Variants in KLHL29 observed in about 807,000 individuals in gnomAD.
KLHL29 encodes kelch like family member 29.
A neutral mutation model predicts 80.4 loss-of-function variants in KLHL29; 21 were observed. That is an observed-to-expected ratio of 0.26 (90% CI 0.19 to 0.38). The LOEUF (loss-of-function observed/expected upper bound fraction) is 0.38, where lower values mean the gene tolerates loss of function less well. Among genes scored for constraint, KLHL29 ranks in the 10% least tolerant of loss-of-function variants. KLHL29 has a pLI of 1.00. For missense variants in KLHL29, 867 were observed against 1,223.9 expected (o/e 0.71, Z 4.35); for synonymous variants, 511 against 526.8 (o/e 0.97, Z 0.41).
rs1386064078 is a variant in KLHL29 at position 23,385,345 on chromosome 2, C to T, written c.-589C>T. 2.7e-5 allele frequency: 4 copies of T among 146,540 alleles called. No individual in the cohort carries two copies. Among genetic ancestry groups the T allele is most frequent in the Non-Finnish European group, 6.1e-5 (4 of 65,590 alleles). 9.1% of individuals were successfully genotyped at this position (146,540 alleles called of 1,614,324 possible). Reference sequence around the variant, plus strand: ...GTCCGCAGCCCCGGCGGTCGCCGCGCTTGAGCGCAGCCCCCGCCCGGAGCC... The same window carrying T: ...GTCCGCAGCCCCGGCGGTCGCCGCGTTTGAGCGCAGCCCCCGCCCGGAGCC... On this transcript the variant is annotated 5_prime_UTR_variant, in exon 1 of 14. Transcript: ENST00000486442.
In KLHL29 at chr2:23,669,701, AC is replaced by A. The variant is rs1194387271; in HGVS notation, c.941-14693del. 6.6e-6 allele frequency among the ~76,000 whole-genome samples: 1 copy of A among 151,546 alleles called. No homozygotes were observed. Among genetic ancestry groups the A allele is most frequent in the Non-Finnish European group, 1.5e-5 (1 of 67,906 alleles). Reference sequence around the variant, plus strand: ...CCCCCCTCTGTGTGGCTGCCCTGCCACCCCCAGTCAGCCTCTGAGCACAGTG... The same window carrying A: ...CCCCCCTCTGTGTGGCTGCCCTGCCACCCCAGTCAGCCTCTGAGCACAGTG... On this transcript the variant is annotated intron_variant, in intron 5 of 13. Coordinates refer to ENST00000486442, the MANE Select transcript of KLHL29 (RefSeq NM_052920.2). This position sits in a 1 kb window ranked among gnomAD's most constrained non-coding sequence, Gnocchi z 4.3.
rs1572474976 is a variant in KLHL29 at position 23,390,640 on chromosome 2, A to G, written c.-154+4860A>G. 2.1e-5 allele frequency among the ~76,000 whole-genome samples: 3 copies of G among 144,624 alleles called. No homozygotes were observed. The South Asian group carries it at 6.6e-4, about 32-fold the overall frequency. 94.9% of individuals were successfully genotyped at this position (144,624 alleles called of 152,430 possible). On this transcript the variant is annotated intron_variant, in intron 1 of 13. Coordinates refer to ENST00000486442, the MANE Select transcript of KLHL29 (RefSeq NM_052920.2). ...CATGGTTTAAAAACACATAAAATTT[A>G]CCATCTTTACTTTTTTTTTTTTTTT...
chr2:23,515,008 C>A (rs1158224847), intron 2 of KLHL29, among the ~76,000 whole-genome samples: 2 of 152,144 alleles, frequency 1.3e-5, no homozygotes, highest in Non-Finnish European at 2.9e-5. Flanking sequence ...AACTAGGGTT[C>A]ATCTGAGACA....
chr2:23,421,524 TTGTGTGTGTGTGTGTGTGTGTG>T (rs57348539), intron 1 of KLHL29, among the ~76,000 whole-genome samples: 2 of 143,514 alleles, frequency 1.4e-5, no homozygotes, highest in Non-Finnish European at 3.1e-5. Flanking sequence ...TTAGACAAGA[TTGTGTGTGTGTGTGTGTGTGTG>T]TGTGTGTGTG....
At chr2:23,408,466 T>C (rs943232927) in intron 1 of KLHL29, among the ~76,000 whole-genome samples, 1 of 152,160 alleles carries the variant, frequency 6.6e-6, no homozygotes, top group Non-Finnish European at 1.5e-5. Flanking sequence ...CTTCCATATC[T>C]CTCTGTAAAC....
At chr2:23,413,351 A>G (rs1666910314) in intron 1 of KLHL29, among the ~76,000 whole-genome samples, 1 of 152,114 alleles carries the variant, frequency 6.6e-6, no homozygotes, top group Non-Finnish European at 1.5e-5. Context: ...ATGCTGTGTG[A>G]TCCATTTTCT....
At position 23,693,534 on chromosome 2, in the gene KLHL29, G is replaced by A. The variant is rs1032065704; in HGVS notation, c.1542+6G>A. On this transcript the variant is annotated splice_donor_region_variant and intron_variant, in intron 8 of 13. Coordinates refer to ENST00000486442, the MANE Select transcript of KLHL29 (RefSeq NM_052920.2). ...ACCCCGCGACACGCACACAGGTGGG[G>A]CCTGCCCTGTCCCCCGCCCCTTCTC... 6.5e-7 allele frequency: 1 copy of A among 1,545,368 alleles called. No homozygotes were observed. Among genetic ancestry groups the A allele is most frequent in the Non-Finnish European group, 8.8e-7 (1 of 1,141,728 alleles).
rs116093924 is a variant in KLHL29, at chr2:23,411,920, G to C, written c.-154+26140G>C. ...TCATGGATGTTTTCTGACTCATGTT[G>C]TCATTGGAATGACTTTTAGTTCCTT... On this transcript the variant is annotated intron_variant, in intron 1 of 13. Coordinates refer to ENST00000486442, the MANE Select transcript of KLHL29 (RefSeq NM_052920.2). Among the ~76,000 whole-genome samples, 636 of 152,242 alleles carry C rather than the reference G, an allele frequency of 4.2e-3. 6 individuals carry two copies. The highest frequency in any genetic ancestry group is 0.015 in the African/African-American group (604 of 41,542).
rs187945509 is a variant in KLHL29, at chr2:23,657,297, G to A, written c.940+14447G>A. ...GGACGAAGGCAGTTCGTGATGTAGC[G>A]TATTCAAGGCTCTCAGAATCCTAAA... On this transcript the variant is annotated intron_variant, in intron 5 of 13. Coordinates refer to ENST00000486442, the MANE Select transcript of KLHL29 (RefSeq NM_052920.2). Among the ~76,000 whole-genome samples, 361 of 152,296 alleles carry A rather than the reference G, an allele frequency of 2.4e-3. 2 individuals are homozygous for A. Among genetic ancestry groups the A allele is most frequent in the African/African-American group, 8.3e-3 (344 of 41,572 alleles).
At position 23,684,303 on chromosome 2, in the gene KLHL29, C is replaced by A; in HGVS notation, c.941-96C>A. On this transcript the variant is annotated intron_variant, in intron 5 of 13. Transcript: ENST00000486442. The surrounding 1 kb of genome is among the most constrained non-coding windows in gnomAD (Gnocchi z 4.4). Reference sequence around the variant, plus strand: ...AAACAATATCAAGTATTTCCTATTTCTCTACTTCTTGAAAAAAGAAAAAAA... The same window carrying A: ...AAACAATATCAAGTATTTCCTATTTATCTACTTCTTGAAAAAAGAAAAAAA... The A allele has an allele frequency of 1.1e-6, 1 of 918,698 alleles. No individual in the cohort carries two copies. Among genetic ancestry groups the A allele is most frequent in the Non-Finnish European group, 1.5e-6 (1 of 667,880 alleles). The allele number at this position is 918,698 out of a possible 1,614,324, so 56.9% of individuals were successfully genotyped here.
At chr2:23,430,969 C>G (rs1390722234) in intron 1 of KLHL29, among the ~76,000 whole-genome samples, 2 of 152,226 alleles carry the variant, frequency 1.3e-5, no homozygotes, top group Non-Finnish European at 2.9e-5. Flanking sequence ...CTTAAAATGA[C>G]TTCCCAGATA....
intron 1 of KLHL29, among the ~76,000 whole-genome samples, chr2:23,431,937 T>C (rs374746529): frequency 6.8e-6 from 1 of 147,406 alleles, no homozygotes; most frequent in African/African-American, 2.5e-5. Flanking sequence ...TGAAAACACA[T>C]GTTCATTATT....
At chr2:23,667,582 C>T (rs535010093) in intron 5 of KLHL29, 1 of 152,624 alleles carries the variant, frequency 6.6e-6, no homozygotes, top group African/African-American at 2.4e-5. Flanking sequence ...AGCGCCAGCA[C>T]GTGGTGATCA....
intron 2 of KLHL29, among the ~76,000 whole-genome samples, chr2:23,544,731 A>G (rs548719736): frequency 1.6e-4 from 24 of 152,268 alleles, no homozygotes; most frequent in African/African-American, 5.5e-4. Flanking sequence ...GGCCGTGTGG[A>G]TAGTGGGGAG....
At position 23,687,445 on chromosome 2, in the gene KLHL29, C is replaced by T. The variant is rs562842430; in HGVS notation, c.1079+2908C>T. Among the ~76,000 whole-genome samples the T allele has an allele frequency of 1.7e-3, 260 of 152,352 alleles. 3 individuals are homozygous for T. Among genetic ancestry groups the T allele is most frequent in the Non-Finnish European group, 2.9e-4 (20 of 68,040 alleles). ...CAGACCCAACCCCAGTGCAGACGCC[C>T]TGCCCCACAGCCACAGGACAGAATG... On this transcript the variant is annotated intron_variant, in intron 6 of 13. Coordinates refer to ENST00000486442, the MANE Select transcript of KLHL29 (RefSeq NM_052920.2).
In KLHL29 at chr2:23,500,895, T is replaced by A. The variant is rs115884400; in HGVS notation, c.-46+25228T>A. Among the ~76,000 whole-genome samples the A allele has an allele frequency of 7.9e-3, 1,207 of 152,272 alleles. 17 individuals carry two copies. The highest frequency in any genetic ancestry group is 0.028 in the African/African-American group (1,148 of 41,542). Reference sequence around the variant, plus strand: ...GCACTTTGACATGCTTTTTAAGATTTGAATATTTTTATAAATCATGATTAT... The same window carrying A: ...GCACTTTGACATGCTTTTTAAGATTAGAATATTTTTATAAATCATGATTAT... On this transcript the variant is annotated intron_variant, in intron 2 of 13. Transcript: ENST00000486442.
chr2:23,434,464 T>G (rs1446003542), intron 1 of KLHL29, among the ~76,000 whole-genome samples: 2 of 151,296 alleles, frequency 1.3e-5, no homozygotes, highest in Non-Finnish European at 2.9e-5. Context: ...TCCCCTCAGG[T>G]TAGGGCACCA....
At chr2:23,578,266 C>T (rs1443372870) in intron 3 of KLHL29, among the ~76,000 whole-genome samples, 1 of 152,206 alleles carries the variant, frequency 6.6e-6, no homozygotes, top group East Asian at 1.9e-4. Context: ...GTACTTAACA[C>T]ACCTCTTGGC....
intron 2 of KLHL29, among the ~76,000 whole-genome samples, chr2:23,560,313 C>T (rs1482872656): frequency 8.8e-6 from 1 of 113,666 alleles, no homozygotes; most frequent in East Asian, 3.0e-4. Context: ...GCTCTGTTGA[C>T]AGGCTGGAGT....
Sources: allele counts gnomAD v4.1 joint callset (sites outside exome capture counted in the v4.1 genomes callset), GRCh38; gene constraint gnomAD v4.1.1; non-coding constraint Gnocchi (gnomAD v3.1); transcripts MANE v1.5; gene names NCBI Gene and HGNC (gene_info 2026-07-23, HGNC 2026-07-21).